The following FCN1 variants were observed in gnomAD, a reference collection of about 807,000 sequenced individuals.
The protein encoded by FCN1 is ficolin-1.
Under a neutral mutation model 35.6 loss-of-function variants are expected in FCN1, and 42 were observed. That is an observed-to-expected ratio of 1.18 (90% CI 0.92 to 1.53). The LOEUF is 1.53. Among genes scored for constraint, FCN1 ranks in the 40% most tolerant of loss-of-function variants. The pLI, the probability that FCN1 is intolerant of heterozygous loss-of-function variation, is 0.00. For synonymous variants in FCN1, 179 were observed against 169.8 expected (o/e 1.05, Z -0.42); for missense variants, 439 against 428.4 (o/e 1.02, Z -0.22).
rs951253557 is a variant in FCN1, at chr9:134,909,871, C to A, written c.908G>T (p.Gly303Val). The A allele has an allele frequency of 2.5e-5, 40 of 1,614,098 alleles. No homozygotes were observed. The highest frequency in any genetic ancestry group is 3.2e-5 in the Non-Finnish European group (38 of 1,180,014). Reference protein sequence around the residue: ...LMGPHESYANGINWSAAKGYK... With the variant: ...LMGPHESYANVINWSAAKGYK... ...CCCCTTCGCCGCACTCCAGTTGATA[C>A]CATTGGCATAGCTCTCATGGGGTCC... Residue 303 changes from glycine to valine, a missense_variant, in exon 9 of 9, where the codon GGT becomes GTT. By Grantham distance (109) the Gly-to-Val change is moderately radical (BLOSUM62 -3). Transcript: ENST00000371806.
At chr9:134,911,670 A>G (rs1831025409) in intron 7 of FCN1, among the ~76,000 whole-genome samples, 1 of 152,088 alleles carries the variant, frequency 6.6e-6, no homozygotes, top group Admixed American at 6.5e-5. Context: ...ATATATTCTT[A>G]AGGGATGTCT....
At chr9:134,913,434 G>A (rs1831051681) in intron 5 of FCN1, 147 bp downstream of exon 5, 1 of 699,118 alleles carries the variant, frequency 1.4e-6, no homozygotes, top group Admixed American at 2.8e-5. Flanking sequence ...GGATTCAGGT[G>A]ATAGCTGCCC....
chr9:134,907,714 T>TG lies in FCN1; in HGVS notation c.*2083_*2084insC, dbSNP rs1830971705. 2 of 152,292 alleles carry TG rather than the reference T, an allele frequency of 1.3e-5. No individual in the cohort carries two copies. The highest frequency in any genetic ancestry group is 4.8e-5 in the African/African-American group (2 of 41,476). The allele number at this position is 152,292 out of a possible 1,614,324, so 9.4% of individuals were successfully genotyped here. A position where few individuals can be genotyped will look rare whatever the true frequency, so the allele number is the denominator to read the frequency against. ...AATGGAATCCATAGCACATACCCTC[T>TG]TGAACAGGCTCCTTTTGCTGCCATG... is the stretch of plus-strand genomic sequence containing the variant. On this transcript the variant is annotated 3_prime_UTR_variant, in exon 9 of 9. Coordinates refer to ENST00000371806, the MANE Select transcript of FCN1 (RefSeq NM_002003.5).
At chr9:134,914,458 G>T in intron 3 of FCN1, 38 bp from the exon 4 acceptor site, 1 of 1,594,356 alleles carries the variant, frequency 6.3e-7, no homozygotes, top group African/African-American at 1.4e-5. Flanking sequence ...TTTGACCCCA[G>T]ATGTGTGGGC....
intron 1 of FCN1, 151 bp from the exon 2 acceptor site, chr9:134,916,612 G>A (rs1178945174): frequency 9.3e-6 from 7 of 756,736 alleles, no homozygotes; most frequent in African/African-American, 3.5e-5. Flanking sequence ...GGCTTTGGAG[G>A]CCACCCCGAC....
Position 134,904,359 on chromosome 9 carries a change from C to T in FCN1, c.*5439G>A, listed in dbSNP as rs553665989. Among the ~76,000 whole-genome samples, 6 of 152,222 alleles carry T rather than the reference C, an allele frequency of 3.9e-5. No individual in the cohort carries two copies. The South Asian group carries it at 1.2e-3, about 32-fold the overall frequency. On this transcript the variant is annotated 3_prime_UTR_variant, in exon 9 of 9. Transcript: ENST00000371806. ...ATACTGGACATCTGTATTTACAGTG[C>T]TAAAAGAAACTAATTGGCAATATAG...
Position 134,905,650 on chromosome 9 carries a change from A to AT in FCN1, c.*4147dup, listed in dbSNP as rs1185670329. ...AGGCATCCCCCACCATGAACGGCTA[A>AT]TTTTTTTGTATTTTTAGTAGAGACG... is the stretch of plus-strand genomic sequence containing the variant. On this transcript the variant is annotated 3_prime_UTR_variant, in exon 9 of 9. Coordinates refer to ENST00000371806, the MANE Select transcript of FCN1 (RefSeq NM_002003.5). Among the ~76,000 whole-genome samples, 3 of 151,232 alleles carry AT rather than the reference A, an allele frequency of 2.0e-5. No individual in the cohort carries two copies. The highest frequency in any genetic ancestry group is 2.9e-5 in the Non-Finnish European group (2 of 67,870).
chr9:134,917,717 G>T, intron 1 of FCN1, 52 bp downstream of exon 1: 1 of 1,176,784 alleles, frequency 8.5e-7, no homozygotes. Context: ...GAGTGTCAGT[G>T]AGTGGGGTTG....
Position 134,913,122 on chromosome 9 carries a change from A to G in FCN1, c.362T>C (p.Leu121Pro). The G allele has an allele frequency of 6.2e-7, 1 of 1,613,940 alleles. No individual in the cohort carries two copies. Among genetic ancestry groups the G allele is most frequent in the Non-Finnish European group, 8.5e-7 (1 of 1,179,918 alleles). ...CATGPRNCKD[L>P]LDRGYFLSGW... ...GCTCAGGAAATACCCCCGGTCTAGC[A>G]GGTCCTTGCAGTTGCGTGGGCCTGG... Residue 121 changes from leucine to proline, a missense_variant, in exon 6 of 9, where the codon CTG becomes CCG. Leu to Pro is a moderately conservative substitution (Grantham distance 98, BLOSUM62 -3). Coordinates refer to ENST00000371806, the MANE Select transcript of FCN1 (RefSeq NM_002003.5).
intron 4 of FCN1, among the ~76,000 whole-genome samples, chr9:134,913,859 G>A (rs1191007194): frequency 6.6e-6 from 1 of 152,164 alleles, no homozygotes; most frequent in Non-Finnish European, 1.5e-5. Context: ...CAGGCGCTGC[G>A]GGTCCTGCTG....
At chr9:134,917,658 G>A in intron 1 of FCN1, 111 bp downstream of exon 1, 1 of 694,522 alleles carries the variant, frequency 1.4e-6, no homozygotes, top group Non-Finnish European at 2.6e-6. Flanking sequence ...CAGATCTGTT[G>A]GGCATCTTCA....
chr9:134,913,816 C>A (rs1226320582), intron 4 of FCN1, among the ~76,000 whole-genome samples: 2 of 152,218 alleles, frequency 1.3e-5, no homozygotes, highest in African/African-American at 4.8e-5. Flanking sequence ...TCCATAGGCC[C>A]CTGCTGTGCA....
rs755053481 is a variant in FCN1 at position 134,909,701 on chromosome 9, G to A, written c.*97C>T. ...AGGGGCAGCTGTGGGCGTCATGGGA[G>A]TGTGTCTGGCTGGGGAAATGGGGTG... On this transcript the variant is annotated 3_prime_UTR_variant, in exon 9 of 9. Transcript: ENST00000371806. 16 of 1,596,368 alleles carry A rather than the reference G, an allele frequency of 1.0e-5. No homozygotes were observed. Among genetic ancestry groups the A allele is most frequent in the Non-Finnish European group, 1.4e-5 (16 of 1,177,726 alleles).
rs141558545 is a variant in FCN1 at position 134,913,031 on chromosome 9, G to A, written c.453C>T (p.Asp151=). Residue 151 remains aspartate (D), a synonymous_variant, in exon 6 of 9, where the codon GAC becomes GAT. Coordinates refer to ENST00000371806, the MANE Select transcript of FCN1 (RefSeq NM_002003.5). ...CCACACTCACGGTCCAGCCCCCTCC[G>A]TCCGTGTCCATGTCACAGAGCACAG... ...PLTVLCDMDT[D]GGGWTVFQRR... 295 of 1,611,978 alleles carry A rather than the reference G, an allele frequency of 1.8e-4. No homozygotes were observed. The highest frequency in any genetic ancestry group is 2.2e-4 in the Non-Finnish European group (255 of 1,179,164).
chr9:134,908,358 G>T lies in FCN1; in HGVS notation c.*1440C>A, dbSNP rs762265893. The T allele has an allele frequency of 2.6e-5, 4 of 152,102 alleles. No homozygotes were observed. Among genetic ancestry groups the T allele is most frequent in the Non-Finnish European group, 5.9e-5 (4 of 68,030 alleles). 9.4% of individuals were successfully genotyped at this position (152,102 alleles called of 1,614,324 possible). ...ATTTATTTATTTTTGTATAAGGCAT[G>T]GTAGGCAGAATAATTCCCTGCCCCC... On this transcript the variant is annotated 3_prime_UTR_variant, in exon 9 of 9. Transcript: ENST00000371806.
chr9:134,914,294 G>A (rs528755874), intron 4 of FCN1, 91 bp downstream of exon 4: 22 of 1,124,154 alleles, frequency 2.0e-5, no homozygotes, highest in South Asian at 6.2e-5. Flanking sequence ...TGACAGGGAC[G>A]TGGGCGGTGG....
rs1004748218 is a variant in FCN1 at position 134,905,223 on chromosome 9, G to A, written c.*4575C>T. Among the ~76,000 whole-genome samples, 2 of 152,196 alleles carry A rather than the reference G, an allele frequency of 1.3e-5. No individual in the cohort carries two copies. The highest frequency in any genetic ancestry group is 2.9e-5 in the Non-Finnish European group (2 of 68,036). On this transcript the variant is annotated 3_prime_UTR_variant, in exon 9 of 9. Coordinates refer to ENST00000371806, the MANE Select transcript of FCN1 (RefSeq NM_002003.5). ...TTCAACAAAGACGAGAGAAGATGAG[G>A]AAGGAGAGGAAAAGAACAGAAACAA... is the stretch of plus-strand genomic sequence containing the variant.
rs201132846 is a variant in FCN1, at chr9:134,909,666, C to T, written c.*132G>A. The T allele has an allele frequency of 4.4e-4, 709 of 1,594,090 alleles. 1 individual carries two copies. Among genetic ancestry groups the T allele is most frequent in the Middle Eastern group, 1.6e-3 (10 of 6,062 alleles). ...GTGGGCATGTGGCGGCTTGACTGAGCTGGGGGCAAAGGGGCAGCTGTGGGC... is the reference window on the plus strand; with the variant it reads ...GTGGGCATGTGGCGGCTTGACTGAGTTGGGGGCAAAGGGGCAGCTGTGGGC... On this transcript the variant is annotated 3_prime_UTR_variant, in exon 9 of 9. Coordinates refer to ENST00000371806, the MANE Select transcript of FCN1 (RefSeq NM_002003.5).
At chr9:134,911,076 A>C in intron 8 of FCN1, 57 bp downstream of exon 8, 1 of 1,591,946 alleles carries the variant, frequency 6.3e-7, no homozygotes, top group Non-Finnish European at 8.6e-7. Context: ...AGACAGAGCC[A>C]GGTTCTCTCT....
Sources: gnomAD v4.1 joint callset for allele counts (sites outside exome capture counted in the v4.1 genomes callset) on GRCh38, gnomAD v4.1.1 for gene constraint, MANE v1.5 for transcripts, NCBI Gene and HGNC (gene_info 2026-07-23, HGNC 2026-07-21) for gene names.